Variants in MAN1A2 observed in about 807,000 individuals in gnomAD.
MAN1A2 encodes mannosyl-oligosaccharide 1,2-alpha-mannosidase IB.
MAN1A2 carries 26 observed loss-of-function variants against 75.7 expected under a neutral mutation model. The ratio of observed to expected loss-of-function variants is 0.34; its 90% CI spans 0.25 to 0.48. The LOEUF (loss-of-function observed/expected upper bound fraction) is 0.48. Among genes scored for constraint, MAN1A2 ranks in the 20% least tolerant of loss-of-function variants. MAN1A2 has a pLI of 0.99. For synonymous variants in MAN1A2, 247 were observed against 264.6 expected (o/e 0.93, Z 0.65); for missense variants, 562 against 775.5 (o/e 0.72, Z 3.27).
chr1:117,379,347 C>G (rs760058214), intron 1 of MAN1A2, among the ~76,000 whole-genome samples: 1 of 152,002 alleles, frequency 6.6e-6, no homozygotes, highest in Admixed American at 6.6e-5. Flanking sequence ...GTTGGAATAA[C>G]GTGCCGTTTT....
intron 3 of MAN1A2, among the ~76,000 whole-genome samples, chr1:117,408,325 A>C (rs1409529401): frequency 6.7e-6 from 1 of 150,152 alleles, no homozygotes; most frequent in South Asian, 2.1e-4. Context: ...AAAAAAAAGC[A>C]GAATGAGTTC....
chr1:117,386,446 C>T (rs1163489125), intron 1 of MAN1A2, among the ~76,000 whole-genome samples: 1 of 151,984 alleles, frequency 6.6e-6, no homozygotes, highest in African/African-American at 2.4e-5. Flanking sequence ...TGCTAAACAT[C>T]CCATGGTGCC....
At chr1:117,495,499 T>C (rs1557973943) in intron 9 of MAN1A2, among the ~76,000 whole-genome samples, 1 of 151,940 alleles carries the variant, frequency 6.6e-6, no homozygotes, top group Non-Finnish European at 1.5e-5. Flanking sequence ...AATTATTCCA[T>C]ACCCCTCCTA....
At chr1:117,497,643 A>G (rs1214010881) in intron 10 of MAN1A2, among the ~76,000 whole-genome samples, 2 of 151,918 alleles carry the variant, frequency 1.3e-5, no homozygotes, top group African/African-American at 4.8e-5. Context: ...TATAGTCATA[A>G]ATAGATACAC....
At chr1:117,511,414 A>C (rs189136650) in intron 12 of MAN1A2, among the ~76,000 whole-genome samples, 1 of 151,902 alleles carries the variant, frequency 6.6e-6, no homozygotes, top group Non-Finnish European at 1.5e-5. Context: ...GGCTCAAGCA[A>C]TCCTTCTACC....
intron 8 of MAN1A2, among the ~76,000 whole-genome samples, chr1:117,490,013 A>G (rs17037335): frequency 0.11 from 17,013 of 151,906 alleles, 1,042 homozygotes; most frequent in Non-Finnish European, 0.14. Flanking sequence ...GGGTTTGTAG[A>G]AAATCCAGGA....
At chr1:117,405,913 T>C (rs944451702) in intron 3 of MAN1A2, among the ~76,000 whole-genome samples, 1 of 152,140 alleles carries the variant, frequency 6.6e-6, no homozygotes, top group East Asian at 1.9e-4. Flanking sequence ...TTTTTTTCTT[T>C]AGTGTCAGGA....
intron 1 of MAN1A2, among the ~76,000 whole-genome samples, chr1:117,386,054 A>G (rs937639867): frequency 2.0e-5 from 3 of 152,170 alleles, no homozygotes; most frequent in African/African-American, 7.2e-5. Flanking sequence ...CCTTGCTGCT[A>G]GATGTTAGGA....
rs186103221 is a variant in MAN1A2 at position 117,396,701 on chromosome 1, C to T, written c.303-5485C>T. On this transcript the variant is annotated intron_variant, in intron 1 of 12. Transcript: ENST00000356554. ...AAACTCAAGGAAAAGAAATAAAGCA[C>T]ATTATTTGCTTTGGCAGTTGTAAAG... 9.9e-5 allele frequency among the ~76,000 whole-genome samples: 15 copies of T among 152,214 alleles called. 1 individual carries two copies. Among genetic ancestry groups the T allele is most frequent in the Admixed American group, 4.6e-4 (7 of 15,302 alleles).
rs74642233 is a variant in MAN1A2 at position 117,445,100 on chromosome 1, C to A, written c.950+2775C>A. Among the ~76,000 whole-genome samples the A allele has an allele frequency of 7.4e-3, 1,119 of 152,162 alleles. 18 individuals are homozygous for A. The highest frequency in any genetic ancestry group is 0.026 in the African/African-American group (1,070 of 41,526). Reference sequence around the variant, plus strand: ...AATGGATGTTAAATGTTGCCAGATACTTTTTTTCCATCTATGGAGATAATC... The same window carrying A: ...AATGGATGTTAAATGTTGCCAGATAATTTTTTTCCATCTATGGAGATAATC... On this transcript the variant is annotated intron_variant, in intron 6 of 12. Coordinates refer to ENST00000356554, the MANE Select transcript of MAN1A2 (RefSeq NM_006699.5).
At chr1:117,444,174 A>T (rs899508006) in intron 6 of MAN1A2, among the ~76,000 whole-genome samples, 8 of 152,146 alleles carry the variant, frequency 5.3e-5, no homozygotes, top group Non-Finnish European at 8.8e-5. Context: ...TACTCAATAA[A>T]GATCTAAATA....
At chr1:117,397,367 T>C (rs1653933909) in intron 1 of MAN1A2, among the ~76,000 whole-genome samples, 2 of 152,140 alleles carry the variant, frequency 1.3e-5, no homozygotes, top group Non-Finnish European at 2.9e-5. Context: ...GAGCTTTCCT[T>C]TAGAGCAAAC....
At position 117,499,422 on chromosome 1, in the gene MAN1A2, A is replaced by C; in HGVS notation, c.1545A>C (p.Ala515=). The C allele has an allele frequency of 1.2e-6, 2 of 1,603,696 alleles. No homozygotes were observed. The highest frequency in any genetic ancestry group is 1.7e-6 in the Non-Finnish European group (2 of 1,175,322). The change falls in exon 11 of 13, where the codon GCA becomes GCC. Residue 515 remains alanine, a synonymous_variant. Transcript: ENST00000356554. ...CTGAATCATTCAAGTTTGATGGTGC[A>C]GTGGAGGCTGTGGCTGTCCGGCAGG... is the stretch of plus-strand genomic sequence containing the variant. The part of the protein sequence containing the change: ...LGPESFKFDG[A]VEAVAVRQAE...
intron 6 of MAN1A2, among the ~76,000 whole-genome samples, chr1:117,459,461 C>G (rs1021877867): frequency 1.3e-5 from 2 of 152,090 alleles, no homozygotes; most frequent in African/African-American, 4.8e-5. Context: ...CCCCTGGCTT[C>G]CAACTGAAAT....
chr1:117,474,789 C>A (rs1397800419), intron 8 of MAN1A2, among the ~76,000 whole-genome samples: 1 of 151,414 alleles, frequency 6.6e-6, no homozygotes, highest in African/African-American at 2.4e-5. Flanking sequence ...TGATCACAAT[C>A]AAAATAGTGA....
At chr1:117,443,324 C>T (rs1416769428) in intron 6 of MAN1A2, among the ~76,000 whole-genome samples, 1 of 152,110 alleles carries the variant, frequency 6.6e-6, no homozygotes, top group Non-Finnish European at 1.5e-5. Flanking sequence ...TGATTTCATG[C>T]ACTATGTATA....
chr1:117,410,656 G>C (rs141071813), intron 3 of MAN1A2, among the ~76,000 whole-genome samples: 1 of 148,624 alleles, frequency 6.7e-6, no homozygotes, highest in East Asian at 2.0e-4. Flanking sequence ...TGGAAATGAA[G>C]AAGTAAAACT....
intron 1 of MAN1A2, 140 bp from the exon 2 acceptor site, chr1:117,402,046 A>T: frequency 1.3e-6 from 1 of 747,536 alleles, no homozygotes; most frequent in Non-Finnish European, 2.1e-6. Flanking sequence ...AATGTGTCTC[A>T]CTGATAATTC....
At chr1:117,430,009 A>C (rs866834093) in intron 5 of MAN1A2, among the ~76,000 whole-genome samples, 1 of 18,168 alleles carries the variant, frequency 5.5e-5, no homozygotes, top group African/African-American at 2.2e-4. Context: ...CCTCCCGGAC[A>C]GGGCGGCTGG....
Sources: allele counts gnomAD v4.1 joint callset (sites outside exome capture counted in the v4.1 genomes callset), GRCh38; gene constraint gnomAD v4.1.1; transcripts MANE v1.5; gene names NCBI Gene and HGNC (gene_info 2026-07-23, HGNC 2026-07-21).